Variants in SLC22A3 observed in about 807,000 individuals in gnomAD.
SLC22A3 encodes the protein solute carrier family 22 member 3.
SLC22A3 carries 51 observed loss-of-function variants against 59.1 expected under a neutral mutation model. The observed-to-expected ratio is 0.86, with a 90% CI of 0.69 to 1.09. The LOEUF is 1.09. SLC22A3 is among the 50% of genes least tolerant of loss of function. The pLI, the probability that SLC22A3 is intolerant of heterozygous loss-of-function variation, is 0.00. For synonymous variants in SLC22A3, 325 were observed against 292.0 expected (o/e 1.11, Z -1.15); for missense variants, 711 against 726.3 (o/e 0.98, Z 0.24).
rs111626663 is a variant in SLC22A3, at chr6:160,356,111, T to C, written c.429+7263T>C. ...GACCATGGCTAGGCCAACCCTGGAA[T>C]TGGCTTTCAGAGATTAACCCAGGCC... is the stretch of plus-strand genomic sequence containing the variant. On this transcript the variant is annotated intron_variant, in intron 1 of 10. Coordinates refer to ENST00000275300, the MANE Select transcript of SLC22A3 (RefSeq NM_021977.4). Among the ~76,000 whole-genome samples the C allele has an allele frequency of 3.4e-3, 525 of 152,360 alleles. 4 individuals are homozygous for C. The highest frequency in any genetic ancestry group is 0.012 in the African/African-American group (497 of 41,578).
intron 1 of SLC22A3, among the ~76,000 whole-genome samples, chr6:160,386,842 G>A (rs1372220691): frequency 6.6e-6 from 1 of 152,240 alleles, no homozygotes; most frequent in Non-Finnish European, 1.5e-5. Flanking sequence ...AGAGGATGGA[G>A]AGAGTAATGC....
chr6:160,421,663 C>T (rs2114883733), intron 5 of SLC22A3, among the ~76,000 whole-genome samples: 1 of 152,282 alleles, frequency 6.6e-6, no homozygotes, highest in African/African-American at 2.4e-5. Flanking sequence ...TTGTTTTATT[C>T]CATTAATATT....
At chr6:160,416,227 T>C (rs1006816363) in intron 5 of SLC22A3, among the ~76,000 whole-genome samples, 19 of 152,140 alleles carry the variant, frequency 1.2e-4, no homozygotes. Context: ...TCTCTGAACA[T>C]ACAAACAGTA....
chr6:160,386,001 C>T (rs1461638753), intron 1 of SLC22A3, among the ~76,000 whole-genome samples: 1 of 152,140 alleles, frequency 6.6e-6, no homozygotes, highest in African/African-American at 2.4e-5. Context: ...TGTTATTGTG[C>T]ATAGCAGTGT....
chr6:160,385,723 T>C (rs1171871867), intron 1 of SLC22A3, among the ~76,000 whole-genome samples: 1 of 152,162 alleles, frequency 6.6e-6, no homozygotes. Flanking sequence ...GAAAAATGGA[T>C]CCATAAATCC....
intron 5 of SLC22A3, among the ~76,000 whole-genome samples, chr6:160,417,202 A>G (rs941706097): frequency 6.6e-6 from 1 of 152,214 alleles, no homozygotes; most frequent in Non-Finnish European, 1.5e-5. Flanking sequence ...CAGAATATCA[A>G]TTCAGGGCAG....
At chr6:160,422,519 G>A (rs770932572) in intron 5 of SLC22A3, among the ~76,000 whole-genome samples, 2 of 152,170 alleles carry the variant, frequency 1.3e-5, no homozygotes, top group Non-Finnish European at 2.9e-5. Flanking sequence ...TACAAACAGC[G>A]TGCGGCCCAT....
At chr6:160,442,460 G>T (rs954260823) in intron 7 of SLC22A3, among the ~76,000 whole-genome samples, 4 of 152,210 alleles carry the variant, frequency 2.6e-5, no homozygotes, top group Admixed American at 2.6e-4. Context: ...TCTCTAGGAG[G>T]TCATTGCCTG....
chr6:160,419,431 G>T (rs1787639340), intron 5 of SLC22A3, among the ~76,000 whole-genome samples: 1 of 152,196 alleles, frequency 6.6e-6, no homozygotes, highest in South Asian at 2.1e-4. Flanking sequence ...CAATTAGGGT[G>T]CTGTCTTTGT....
chr6:160,403,149 AAAAG>A (rs1186667026), intron 2 of SLC22A3, among the ~76,000 whole-genome samples: 3 of 151,422 alleles, frequency 2.0e-5, no homozygotes, highest in Non-Finnish European at 3.0e-5. Flanking sequence ...AGACTAAGAA[AAAAG>A]AAAGAGGAGA....
At chr6:160,447,182 T>C (rs1417230251) in intron 9 of SLC22A3, among the ~76,000 whole-genome samples, 2 of 152,134 alleles carry the variant, frequency 1.3e-5, no homozygotes, top group Non-Finnish European at 2.9e-5. Flanking sequence ...AAGGTCTGAA[T>C]GTGTTTGAAA....
intron 5 of SLC22A3, among the ~76,000 whole-genome samples, chr6:160,429,041 T>A (rs1045468436): frequency 3.3e-5 from 5 of 152,324 alleles, no homozygotes; most frequent in Admixed American, 3.3e-4. Context: ...TGGAAGGACA[T>A]GAGCACCTCA....
chr6:160,377,818 G>A (rs746970505), intron 1 of SLC22A3, among the ~76,000 whole-genome samples: 43 of 152,192 alleles, frequency 2.8e-4, no homozygotes, highest in Admixed American at 2.0e-4. Flanking sequence ...CTAAGCAAAC[G>A]TAGGTTTGGC....
intron 1 of SLC22A3, among the ~76,000 whole-genome samples, chr6:160,375,884 C>A (rs941311003): frequency 1.3e-5 from 2 of 152,108 alleles, no homozygotes; most frequent in African/African-American, 4.8e-5. Context: ...AGGCTTCCAC[C>A]TGCTAACTAG....
chr6:160,361,258 T>C (rs946392417), intron 1 of SLC22A3, among the ~76,000 whole-genome samples: 1 of 152,180 alleles, frequency 6.6e-6, no homozygotes, highest in African/African-American at 2.4e-5. Context: ...TCAGGGTGAA[T>C]TGAAGACTTA....
intron 3 of SLC22A3, 49 bp downstream of exon 3, chr6:160,407,244 A>T: frequency 6.5e-7 from 1 of 1,542,280 alleles, no homozygotes; most frequent in Non-Finnish European, 8.8e-7. Context: ...AGGGCCAGAT[A>T]GCCAACAAAT....
At chr6:160,418,258 C>A (rs1038863493) in intron 5 of SLC22A3, among the ~76,000 whole-genome samples, 1 of 152,174 alleles carries the variant, frequency 6.6e-6, no homozygotes, top group African/African-American at 2.4e-5. Flanking sequence ...TTCTAGCTTT[C>A]ATCATTCTCC....
chr6:160,435,743 G>C (rs541737214), intron 5 of SLC22A3, among the ~76,000 whole-genome samples: 16 of 152,192 alleles, frequency 1.1e-4, no homozygotes, highest in African/African-American at 3.6e-4. Context: ...AGATAGCATC[G>C]GTCTTGTCCT....
intron 5 of SLC22A3, among the ~76,000 whole-genome samples, chr6:160,421,770 C>T (rs1435610733): frequency 6.6e-6 from 1 of 152,062 alleles, no homozygotes; most frequent in African/African-American, 2.4e-5. Flanking sequence ...TTTGCCTGTC[C>T]TTTTTCCGTT....
Sources: gnomAD v4.1 joint callset for allele counts (sites outside exome capture counted in the v4.1 genomes callset) on GRCh38, gnomAD v4.1.1 for gene constraint, MANE v1.5 for transcripts, NCBI Gene and HGNC (gene_info 2026-07-23, HGNC 2026-07-21) for gene names.